The following TMEM132D variants were observed in gnomAD, a reference collection of about 807,000 sequenced individuals.
TMEM132D encodes mature OL transmembrane protein.
In TMEM132D, 21 loss-of-function variants were observed where a neutral mutation model predicts 62.3. That is an observed-to-expected ratio of 0.34 (90% CI 0.24 to 0.49). TMEM132D has a LOEUF of 0.49. TMEM132D is among the 20% of genes least tolerant of loss of function. The probability of loss-of-function intolerance (pLI) is 0.99; values close to 1 mark genes in which losing one functional copy is unlikely to be tolerated. For missense variants in TMEM132D, 1,346 were observed against 1,402.8 expected (o/e 0.96, Z 0.65); for synonymous variants, 621 against 575.6 (o/e 1.08, Z -1.13).
intron 3 of TMEM132D, among the ~76,000 whole-genome samples, chr12:129,451,414 A>T (rs948882353): frequency 2.6e-5 from 4 of 152,156 alleles, no homozygotes; most frequent in Non-Finnish European, 5.9e-5. Context: ...TTTGCTGTAT[A>T]TCTGGTTCCT....
chr12:129,500,180 T>TA (rs1875091213), intron 3 of TMEM132D, among the ~76,000 whole-genome samples: 1 of 145,066 alleles, frequency 6.9e-6, no homozygotes, highest in Non-Finnish European at 1.5e-5. Flanking sequence ...ACCTCATCTG[T>TA]CCCCTACTTC....
intron 1 of TMEM132D, among the ~76,000 whole-genome samples, chr12:129,891,582 G>A (rs1225839020): frequency 1.3e-5 from 2 of 152,148 alleles, no homozygotes; most frequent in African/African-American, 4.8e-5. Flanking sequence ...GAAAGAACTT[G>A]GCAGCGAAAG....
intron 3 of TMEM132D, among the ~76,000 whole-genome samples, chr12:129,510,428 G>A (rs1415721179): frequency 6.6e-6 from 1 of 152,060 alleles, no homozygotes; most frequent in Non-Finnish European, 1.5e-5. Flanking sequence ...TCTTCACTTT[G>A]TTGATTGTAT....
intron 1 of TMEM132D, among the ~76,000 whole-genome samples, chr12:129,794,112 G>A (rs1418428912): frequency 6.8e-6 from 1 of 147,206 alleles, no homozygotes; most frequent in Non-Finnish European, 1.5e-5. Context: ...TTTTTGAGAT[G>A]GAATCTTGCT....
chr12:129,480,931 A>G (rs1043025601), intron 3 of TMEM132D, among the ~76,000 whole-genome samples: 17 of 152,244 alleles, frequency 1.1e-4, no homozygotes, highest in African/African-American at 4.1e-4. Context: ...AGTTTTGGAG[A>G]CAACCCGGAC....
chr12:129,294,853 T>C (rs183822787), intron 4 of TMEM132D, among the ~76,000 whole-genome samples: 1 of 152,228 alleles, frequency 6.6e-6, no homozygotes, highest in Non-Finnish European at 1.5e-5. Flanking sequence ...ATATCTCCTA[T>C]GACTGTGTAC....
chr12:129,659,519 G>A (rs1234936378), intron 2 of TMEM132D, among the ~76,000 whole-genome samples: 1 of 152,088 alleles, frequency 6.6e-6, no homozygotes, highest in Non-Finnish European at 1.5e-5. Flanking sequence ...TTGAGCATAA[G>A]AGAGTAGTCA....
intron 2 of TMEM132D, among the ~76,000 whole-genome samples, chr12:129,563,932 G>A (rs947131855): frequency 6.6e-6 from 1 of 152,152 alleles, no homozygotes; most frequent in Admixed American, 6.5e-5. Context: ...ACAGCGTTTG[G>A]GGATAAAGGA....
intron 3 of TMEM132D, among the ~76,000 whole-genome samples, chr12:129,347,674 C>A (rs759487644): frequency 2.0e-5 from 3 of 152,166 alleles, no homozygotes; most frequent in Non-Finnish European, 4.4e-5. Flanking sequence ...ACTAAAACAC[C>A]AAAAGCAATG....
At chr12:129,190,154 C>T (rs571195882) in intron 5 of TMEM132D, among the ~76,000 whole-genome samples, 7 of 64,566 alleles carry the variant, frequency 1.1e-4, no homozygotes, top group East Asian at 7.5e-4. Flanking sequence ...GGTCTCAGGC[C>T]TGCAGATGGA....
intron 1 of TMEM132D, among the ~76,000 whole-genome samples, chr12:129,837,605 C>T (rs1010197461): frequency 6.6e-6 from 1 of 152,212 alleles, no homozygotes; most frequent in African/African-American, 2.4e-5. Flanking sequence ...TATTCCCACT[C>T]CAAACTTGCT....
chr12:129,849,995 C>T (rs945384230), intron 1 of TMEM132D, among the ~76,000 whole-genome samples: 4 of 152,140 alleles, frequency 2.6e-5, no homozygotes, highest in African/African-American at 7.2e-5. Context: ...AAAATGCTCA[C>T]GCATATAGCA....
At chr12:129,628,413 G>A (rs1426904387) in intron 2 of TMEM132D, among the ~76,000 whole-genome samples, 1 of 152,246 alleles carries the variant, frequency 6.6e-6, no homozygotes, top group Non-Finnish European at 1.5e-5. Context: ...GGACACCTGG[G>A]ATGTCTCGGC....
At chr12:129,298,393 T>C (rs1274954686) in intron 4 of TMEM132D, among the ~76,000 whole-genome samples, 1 of 152,254 alleles carries the variant, frequency 6.6e-6, no homozygotes, top group Non-Finnish European at 1.5e-5. Flanking sequence ...GATACATATA[T>C]ATGTTGTATA....
chr12:129,708,172 G>C (rs1200529021), intron 1 of TMEM132D, among the ~76,000 whole-genome samples: 1 of 152,126 alleles, frequency 6.6e-6, no homozygotes, highest in African/African-American at 2.4e-5. Context: ...AGCTGAGATC[G>C]CACCAGTGCA....
At chr12:129,667,986 T>C (rs967794746) in intron 2 of TMEM132D, among the ~76,000 whole-genome samples, 8 of 151,726 alleles carry the variant, frequency 5.3e-5, no homozygotes, top group South Asian at 2.1e-4. Context: ...CCACAGACCA[T>C]TGTTGTCTCC....
chr12:129,508,785 G>T (rs1875417278), intron 3 of TMEM132D, among the ~76,000 whole-genome samples: 1 of 152,036 alleles, frequency 6.6e-6, no homozygotes, highest in South Asian at 2.1e-4. Context: ...AAAATGAGTG[G>T]TGAATGCTGG....
chr12:129,134,653 A>G (rs951368286), intron 5 of TMEM132D, among the ~76,000 whole-genome samples: 1 of 152,208 alleles, frequency 6.6e-6, no homozygotes, highest in African/African-American at 2.4e-5. Flanking sequence ...CCAAGAGAAC[A>G]ATTTGTCCAA....
chr12:129,819,775 A>G (rs1473568054), intron 1 of TMEM132D, among the ~76,000 whole-genome samples: 3 of 152,228 alleles, frequency 2.0e-5, no homozygotes, highest in Non-Finnish European at 2.9e-5. Flanking sequence ...GCCTGCTACT[A>G]TTATTAACAT....
Sources: gnomAD v4.1 joint callset for allele counts (sites outside exome capture counted in the v4.1 genomes callset) on GRCh38, gnomAD v4.1.1 for gene constraint, MANE v1.5 for transcripts, NCBI Gene and HGNC (gene_info 2026-07-23, HGNC 2026-07-21) for gene names.